Variants in ARHGEF3 observed in about 807,000 individuals in gnomAD.
ARHGEF3 encodes the protein 59.8 kDA protein.
In ARHGEF3, 28 loss-of-function variants were observed where a neutral mutation model predicts 63.2. The ratio of observed to expected loss-of-function variants is 0.44; its 90% confidence interval spans 0.33 to 0.61. ARHGEF3 has a LOEUF of 0.61. Among genes scored for constraint, ARHGEF3 ranks in the 20% least tolerant of loss-of-function variants. ARHGEF3 has a pLI of 0.03. For missense variants in ARHGEF3, 533 were observed against 659.3 expected (o/e 0.81, Z 2.10); for synonymous variants, 266 against 254.2 (o/e 1.05, Z -0.44).
At chr3:56,773,951 T>A in intron 1 of ARHGEF3, 135 bp from the exon 2 acceptor site, 1 of 697,926 alleles carries the variant, frequency 1.4e-6, no homozygotes, top group Non-Finnish European at 2.2e-6. Flanking sequence ...GTGTCACGTC[T>A]CACTCTGGCT....
chr3:56,907,860 C>A (rs190594056), intron 3 of ARHGEF3, among the ~76,000 whole-genome samples: 1 of 152,138 alleles, frequency 6.6e-6, no homozygotes, highest in East Asian at 1.9e-4. Flanking sequence ...ACACTGGGGC[C>A]TATCAGAGGG....
At chr3:56,777,549 C>T (rs1216267894) in intron 1 of ARHGEF3, among the ~76,000 whole-genome samples, 1 of 152,120 alleles carries the variant, frequency 6.6e-6, no homozygotes, top group Non-Finnish European at 1.5e-5. Flanking sequence ...CAGGTAAAAG[C>T]CAAAGCAGAC....
intron 1 of ARHGEF3, among the ~76,000 whole-genome samples, chr3:57,065,272 G>A (rs1056040994): frequency 1.3e-5 from 2 of 152,180 alleles, no homozygotes; most frequent in South Asian, 4.1e-4. Flanking sequence ...CACCAGCCTG[G>A]CCAACATGGT....
intron 4 of ARHGEF3, among the ~76,000 whole-genome samples, chr3:56,875,807 G>A (rs777878007): frequency 1.3e-5 from 2 of 152,212 alleles, no homozygotes; most frequent in Admixed American, 1.3e-4. Flanking sequence ...CTTGTGCCAG[G>A]TGCTAGGGAT....
At chr3:56,985,819 T>G (rs937322619) in intron 2 of ARHGEF3, among the ~76,000 whole-genome samples, 6 of 152,096 alleles carry the variant, frequency 3.9e-5, no homozygotes, top group African/African-American at 1.4e-4. Flanking sequence ...AGGATGTAAA[T>G]GGACAACATA....
At chr3:57,070,125 C>G (rs2107394346) in intron 1 of ARHGEF3, among the ~76,000 whole-genome samples, 1 of 152,300 alleles carries the variant, frequency 6.6e-6, no homozygotes, top group East Asian at 1.9e-4. Flanking sequence ...AGCCTGGCTT[C>G]AATTCTCCTA....
chr3:56,857,554 G>C (rs2039928748), intron 4 of ARHGEF3, among the ~76,000 whole-genome samples: 1 of 152,162 alleles, frequency 6.6e-6, no homozygotes. Context: ...TTTAGTAATT[G>C]AGTCAGTCAA....
At position 56,934,951 on chromosome 3, in the gene ARHGEF3, A is replaced by C. The variant is rs550130707; in HGVS notation, c.129+23872T>G. Among the ~76,000 whole-genome samples the C allele has an allele frequency of 2.8e-4, 43 of 152,270 alleles. No individual in the cohort carries two copies. In the South Asian group the frequency reaches 8.9e-3, roughly 32 times the overall value. ...TCCTGAGTCTGGTGGGGAGGTGGAG[A>C]GTCTTTATGTCTAGCTCAGGGGTTG... On this transcript the variant is annotated intron_variant, in intron 3 of 12. Coordinates refer to the ARHGEF3 transcript ENST00000338458.
intron 3 of ARHGEF3, among the ~76,000 whole-genome samples, chr3:56,886,642 C>T (rs142959291): frequency 6.6e-6 from 1 of 152,294 alleles, no homozygotes; most frequent in African/African-American, 2.4e-5. Context: ...GCTACTACTA[C>T]TAATAATTCA....
At chr3:56,733,950 C>T (rs1036829225) in intron 8 of ARHGEF3, among the ~76,000 whole-genome samples, 1 of 141,818 alleles carries the variant, frequency 7.1e-6, no homozygotes, top group African/African-American at 2.7e-5. Flanking sequence ...GGCCATTGCA[C>T]TCCAGTCTGG....
intron 4 of ARHGEF3, among the ~76,000 whole-genome samples, chr3:56,833,664 G>T (rs1025851640): frequency 6.6e-6 from 1 of 152,112 alleles, no homozygotes; most frequent in South Asian, 2.1e-4. Flanking sequence ...CCCTATACAC[G>T]CCTCCTTCTG....
intron 4 of ARHGEF3, among the ~76,000 whole-genome samples, chr3:56,840,795 A>T (rs2039284996): frequency 6.6e-6 from 1 of 152,326 alleles, no homozygotes; most frequent in African/African-American, 2.4e-5. Context: ...TTCAAAAATT[A>T]AAAAAACAAT....
At chr3:57,037,857 A>G (rs1380461910) in intron 1 of ARHGEF3, among the ~76,000 whole-genome samples, 4 of 151,334 alleles carry the variant, frequency 2.6e-5, no homozygotes, top group Admixed American at 2.6e-4. Context: ...CCTGGGCGAC[A>G]GAGCAAGACT....
chr3:56,920,786 C>T (rs531860007), intron 3 of ARHGEF3, among the ~76,000 whole-genome samples: 3 of 152,318 alleles, frequency 2.0e-5, no homozygotes, highest in Admixed American at 6.5e-5. Flanking sequence ...GGCACGATGG[C>T]TCATGCCTGT....
At chr3:56,914,085 A>C (rs1350791301) in intron 3 of ARHGEF3, among the ~76,000 whole-genome samples, 12 of 152,220 alleles carry the variant, frequency 7.9e-5, no homozygotes. Flanking sequence ...ATGAGGACGC[A>C]AAGGCATAAG....
chr3:57,000,078 G>A (rs9836188), intron 2 of ARHGEF3, among the ~76,000 whole-genome samples: 1 of 151,964 alleles, frequency 6.6e-6, no homozygotes, highest in Admixed American at 6.5e-5. Context: ...CTGTATCCTA[G>A]GCTGATTGTG....
intron 4 of ARHGEF3, among the ~76,000 whole-genome samples, chr3:56,843,449 T>G (rs529440018): frequency 6.8e-6 from 1 of 146,730 alleles, no homozygotes; most frequent in South Asian, 2.2e-4. Context: ...TTTTTTTTTA[T>G]AGAGAAAGGG....
At position 56,939,174 on chromosome 3, in the gene ARHGEF3, C is replaced by T. The variant is rs150142693; in HGVS notation, c.129+19649G>A. Among the ~76,000 whole-genome samples the T allele has an allele frequency of 4.4e-3, 672 of 152,284 alleles. 4 individuals are homozygous for T. Among genetic ancestry groups the T allele is most frequent in the African/African-American group, 0.015 (620 of 41,536 alleles). ...AATCCAATAACAGGACTTTTACCAA[C>T]CTCCACGCAAGAGGCTTCAATTCCC... On this transcript the variant is annotated intron_variant, in intron 3 of 12. Transcript: ENST00000338458.
chr3:56,802,436 G>C (rs537281092), upstream of ARHGEF3, among the ~76,000 whole-genome samples: 1 of 152,204 alleles, frequency 6.6e-6, no homozygotes, highest in Non-Finnish European at 1.5e-5. Flanking sequence ...TTTTTGTTTG[G>C]TTTTTTAAAT....
Sources: allele counts gnomAD v4.1 joint callset (sites outside exome capture counted in the v4.1 genomes callset), GRCh38; gene constraint gnomAD v4.1.1; transcripts MANE v1.5; gene names NCBI Gene and HGNC (gene_info 2026-07-23, HGNC 2026-07-21).